SORL1: variants seen among roughly 807,000 people sequenced by gnomAD.
SORL1 encodes sortilin related receptor 1.
In SORL1, 127 loss-of-function variants were observed where a neutral mutation model predicts 273.7. The ratio of observed to expected loss-of-function variants is 0.46; its 90% confidence interval spans 0.40 to 0.54. SORL1 has a LOEUF of 0.54. Among genes scored for constraint, SORL1 ranks in the 20% least tolerant of loss-of-function variants. The pLI is 0.00. For synonymous variants in SORL1, 1,031 were observed against 1,067.4 expected (o/e 0.97, Z 0.66); for missense variants, 2,494 against 2,846.1 (o/e 0.88, Z 2.81).
At chr11:121,481,802 A>C (rs1439162795) in intron 3 of SORL1, among the ~76,000 whole-genome samples, 1 of 142,616 alleles carries the variant, frequency 7.0e-6, no homozygotes, top group Non-Finnish European at 1.5e-5. Context: ...CTCCTCCCCT[A>C]GTGCACAGAT....
Position 121,632,710 on chromosome 11 carries a change from A to C in SORL1, c.*3147A>C, listed in dbSNP as rs1565361840. The stretch of plus-strand genomic sequence containing the variant: ...GTGAGCCCCTTAGAGATGAGCGCCT[A>C]CTCCTTCTTGGCGAATGCTGCCTTC... On this transcript the variant is annotated 3_prime_UTR_variant, in exon 48 of 48. Coordinates refer to ENST00000260197, the MANE Select transcript of SORL1 (RefSeq NM_003105.6). 1 of 151,392 alleles carries C rather than the reference A, an allele frequency of 6.6e-6. No individual in the cohort carries two copies. Among genetic ancestry groups the C allele is most frequent in the East Asian group, 1.9e-4 (1 of 5,178 alleles). The allele number at this position is 151,392 out of a possible 1,614,324, so 9.4% of individuals were successfully genotyped here.
intron 1 of SORL1, among the ~76,000 whole-genome samples, chr11:121,459,679 C>T (rs1014058227): frequency 1.3e-5 from 2 of 152,198 alleles, no homozygotes; most frequent in African/African-American, 2.4e-5. Context: ...TAAGGTGGAG[C>T]GCAGACCCTG....
chr11:121,550,048 G>A lies in SORL1; in HGVS notation c.2140G>A (p.Val714Met), dbSNP rs760418375. The A allele has an allele frequency of 6.2e-7, 1 of 1,613,758 alleles. No homozygotes were observed. Among genetic ancestry groups the A allele is most frequent in the Non-Finnish European group, 8.5e-7 (1 of 1,179,774 alleles). ...EFSGKSYSPP[V>M]PCPVGSTYRR... ...TTCTGGAAAGTCATACTCCCCTCCT[G>A]TGCCTTGCCCTGTGGGTTCTACTTA... The change falls in exon 15 of 48, where the codon GTG becomes ATG. Residue 714 changes from valine (V) to methionine (M), a missense_variant. Transcript: ENST00000260197. The surrounding 1 kb of genome is among the most constrained non-coding windows in gnomAD (Gnocchi z 5.3).
chr11:121,589,541 G>A lies in SORL1; in HGVS notation c.4078+151G>A. 4 of 970,334 alleles carry A rather than the reference G, an allele frequency of 4.1e-6. No individual in the cohort carries two copies. In the South Asian group the frequency reaches 4.4e-5, roughly 11 times the overall value. 60.1% of individuals were successfully genotyped at this position (970,334 alleles called of 1,614,324 possible). The stretch of plus-strand genomic sequence containing the variant: ...TGCCAGTTCCTGAATACTCATACGA[G>A]TTGAGTCTTGAAGGGGGCAGCTGGC... On this transcript the variant is annotated intron_variant, in intron 29 of 47. Coordinates refer to ENST00000260197, the MANE Select transcript of SORL1 (RefSeq NM_003105.6).
rs761660860 is a variant in SORL1 at position 121,625,138 on chromosome 11, G to T, written c.6225G>T (p.Gly2075=). 1.9e-6 allele frequency: 3 copies of T among 1,613,428 alleles called. No individual in the cohort carries two copies. Among genetic ancestry groups the T allele is most frequent in the Non-Finnish European group, 2.5e-6 (3 of 1,179,418 alleles). The change falls in exon 46 of 48, where the codon GGG becomes GGT. Residue 2075 remains glycine (G), a synonymous_variant. Transcript: ENST00000260197. ...CCATGAATATCACAGCTTACCTTGG[G>T]AATACTACTGACAATTTCTTTAAAA... The part of the protein sequence containing the change: ...DSAMNITAYL[G]NTTDNFFKIS...
intron 12 of SORL1, among the ~76,000 whole-genome samples, chr11:121,534,235 C>T (rs1245262476): frequency 6.6e-6 from 1 of 152,196 alleles, no homozygotes; most frequent in East Asian, 1.9e-4. Flanking sequence ...TCTCGATTTG[C>T]CTTGTTTAAC....
intron 1 of SORL1, among the ~76,000 whole-genome samples, chr11:121,455,963 A>G (rs1187807806): frequency 6.6e-6 from 1 of 151,426 alleles, no homozygotes; most frequent in Non-Finnish European, 1.5e-5. Flanking sequence ...ATTGCACTCC[A>G]GCCTGGGGGA....
chr11:121,584,690 C>T (rs964174450), intron 26 of SORL1, among the ~76,000 whole-genome samples: 1 of 152,048 alleles, frequency 6.6e-6, no homozygotes, highest in Non-Finnish European at 1.5e-5. Flanking sequence ...CTCCTGGGCG[C>T]AAGGCATCTT....
chr11:121,502,611 G>C (rs553071236), intron 6 of SORL1, among the ~76,000 whole-genome samples: 1 of 152,148 alleles, frequency 6.6e-6, no homozygotes, highest in South Asian at 2.1e-4. Context: ...GGTATCTTAT[G>C]GTTTTCATTT....
intron 12 of SORL1, 114 bp downstream of exon 12, chr11:121,532,666 G>T: frequency 2.4e-6 from 2 of 837,062 alleles, no homozygotes; most frequent in South Asian, 1.7e-5. Context: ...CACAATTTGT[G>T]ATCTCTGGAT....
chr11:121,590,125 T>A lies in SORL1; in HGVS notation c.4164T>A (p.Cys1388Ter), dbSNP rs1863186951. 6.2e-7 allele frequency: 1 copy of A among 1,614,064 alleles called. No homozygotes were observed. The highest frequency in any genetic ancestry group is 8.5e-7 in the Non-Finnish European group (1 of 1,180,028). ...NGHCIPNRWK[C>*]DRENDCGDWS... Reference sequence around the variant, plus strand: ...ACTGCATCCCCAACAGATGGAAATGTGACAGGGAGAACGACTGTGGGGACT... The same window carrying A: ...ACTGCATCCCCAACAGATGGAAATGAGACAGGGAGAACGACTGTGGGGACT... The change falls in exon 30 of 48, where the codon TGT (cysteine) becomes TGA (stop). Residue 1388 changes from cysteine to a stop codon, truncating the protein, a stop_gained. Coordinates refer to ENST00000260197, the MANE Select transcript of SORL1 (RefSeq NM_003105.6). LOFTEE classifies it high-confidence loss of function.
intron 31 of SORL1, among the ~76,000 whole-genome samples, chr11:121,593,648 A>G (rs1863249660): frequency 6.7e-6 from 1 of 149,008 alleles, no homozygotes; most frequent in Non-Finnish European, 1.5e-5. Context: ...TGCATCCTTC[A>G]GTAGCCTTGT....
intron 26 of SORL1, 142 bp from the exon 27 acceptor site, chr11:121,586,080 T>TGTATA (rs1863100699): frequency 1.5e-6 from 1 of 662,424 alleles, no homozygotes; most frequent in Non-Finnish European, 2.8e-6. Flanking sequence ...GGTCAAAGTG[T>TGTATA]GTATACATTT....
intron 23 of SORL1, among the ~76,000 whole-genome samples, chr11:121,573,765 TTGAC>T (rs1862883372): frequency 6.6e-6 from 1 of 152,230 alleles, no homozygotes; most frequent in African/African-American, 2.4e-5. Context: ...GTACCCAGTC[TTGAC>T]TGACTGCAGA....
At chr11:121,502,750 G>A (rs1286686956) in intron 6 of SORL1, among the ~76,000 whole-genome samples, 1 of 152,066 alleles carries the variant, frequency 6.6e-6, no homozygotes, top group Non-Finnish European at 1.5e-5. Context: ...TTATTGTTGA[G>A]TTATAATAGT....
chr11:121,562,916 G>A (rs1862699998), intron 21 of SORL1, among the ~76,000 whole-genome samples: 1 of 152,142 alleles, frequency 6.6e-6, no homozygotes, highest in Non-Finnish European at 1.5e-5. Flanking sequence ...TCTTGGAATT[G>A]GGGGTTTTGG....
chr11:121,512,243 C>A (rs1033554329), intron 6 of SORL1, among the ~76,000 whole-genome samples: 1 of 152,172 alleles, frequency 6.6e-6, no homozygotes. Context: ...AGTCTTGATC[C>A]AAATAAGCTT....
chr11:121,502,291 A>C (rs949873030), intron 6 of SORL1, among the ~76,000 whole-genome samples: 18 of 151,348 alleles, frequency 1.2e-4, no homozygotes, highest in African/African-American at 3.9e-4. Flanking sequence ...GCCCGCCGCC[A>C]CACCTGGCTA....
At position 121,513,039 on chromosome 11, in the gene SORL1, C is replaced by T; in HGVS notation, c.976C>T (p.Leu326Phe). 2 of 1,614,194 alleles carry T rather than the reference C, an allele frequency of 1.2e-6. No homozygotes were observed. Among genetic ancestry groups the T allele is most frequent in the Non-Finnish European group, 1.7e-6 (2 of 1,180,014 alleles). Residue 326 changes from leucine (L) to phenylalanine (F), a missense_variant, in exon 7 of 48, where the codon CTC (leucine) becomes TTC (phenylalanine). Physicochemically the swap from Leu to Phe is conservative, Grantham distance 22. Transcript: ENST00000260197. Reference protein sequence around the residue: ...LGSEQQSSVQLWVSFGRKPMR... With the variant: ...LGSEQQSSVQFWVSFGRKPMR... ...CAGTGAACAGCAGTCTTCTGTCCAG[C>T]TCTGGGTCTCCTTTGGCCGGAAGCC...
Sources: allele counts gnomAD v4.1 joint callset (sites outside exome capture counted in the v4.1 genomes callset), GRCh38; gene constraint gnomAD v4.1.1; non-coding constraint Gnocchi (gnomAD v3.1); transcripts MANE v1.5; gene names NCBI Gene and HGNC (gene_info 2026-07-23, HGNC 2026-07-21).